The following RP1 variants were observed in gnomAD, a reference collection of about 807,000 sequenced individuals.
The protein encoded by RP1 is RP1 axonemal microtubule associated, also known as oxygen-regulated protein 1.
Under a neutral mutation model 14.8 loss-of-function variants are expected in RP1, and 16 were observed. That is an observed-to-expected ratio of 1.08 (90% CI 0.73 to 1.65). RP1 has a LOEUF of 1.65. RP1 is among the 40% of genes most tolerant of loss of function. The probability of loss-of-function intolerance (pLI) is 0.00; values close to 1 mark genes in which losing one functional copy is unlikely to be tolerated. For missense variants in RP1, 2,631 were observed against 2,535.0 expected (o/e 1.04, Z -0.81); for synonymous variants, 876 against 883.6 (o/e 0.99, Z 0.15).
chr8:54,824,813 T>A (rs1280587278), intron 24 of RP1, among the ~76,000 whole-genome samples: 1 of 152,160 alleles, frequency 6.6e-6, no homozygotes, highest in East Asian at 1.9e-4. Context: ...AAAGAAAAAT[T>A]GTATGATCAT....
At chr8:54,822,515 A>G (rs1384897761) in intron 24 of RP1, among the ~76,000 whole-genome samples, 27 of 152,236 alleles carry the variant, frequency 1.8e-4, no homozygotes. Context: ...TATCTTCTAT[A>G]AATACAAATG....
chr8:54,669,211 G>T (rs1236730235), intron 7 of RP1, among the ~76,000 whole-genome samples: 1 of 152,096 alleles, frequency 6.6e-6, no homozygotes, highest in African/African-American at 2.4e-5. Flanking sequence ...CAAAAAGTGG[G>T]CAAAGGATAT....
chr8:54,606,682 A>G lies in RP1; in HGVS notation c.-12-14273A>G, dbSNP rs191895525. Among the ~76,000 whole-genome samples the G allele has an allele frequency of 4.0e-3, 605 of 152,342 alleles. 3 individuals are homozygous for G. The highest frequency in any genetic ancestry group is 6.5e-3 in the Non-Finnish European group (440 of 68,042). ...CTCCTCATCACTTTCAGGTACACCA[A>G]TCAGACGTAGATTTGGTCTTTTCAC... On this transcript the variant is annotated intron_variant, in intron 1 of 22. Coordinates refer to the RP1 transcript ENST00000636932.
Position 54,624,567 on chromosome 8 carries a change from TC to T in RP1, c.788-102del, listed in dbSNP as rs1175659483. 37 of 1,131,564 alleles carry T rather than the reference TC, an allele frequency of 3.3e-5. No individual in the cohort carries two copies. The African/African-American group carries it at 5.3e-4, about 16-fold the overall frequency. 70.1% of individuals were successfully genotyped at this position (1,131,564 alleles called of 1,614,324 possible). On this transcript the variant is annotated intron_variant, in intron 3 of 3. Transcript: ENST00000220676. The stretch of plus-strand genomic sequence containing the variant: ...TTTTCATACTAATCATTTCCCCTTT[TC>T]TCTTTCTTTTTTTGCTGCCTCTTCC...
At chr8:54,828,118 GA>G (rs1452957487) in intron 24 of RP1, among the ~76,000 whole-genome samples, 1 of 152,110 alleles carries the variant, frequency 6.6e-6, no homozygotes, top group Non-Finnish European at 1.5e-5. Context: ...GATACCTCCT[GA>G]AGGACCTGCC....
intron 1 of RP1, among the ~76,000 whole-genome samples, chr8:54,590,501 C>T (rs1036254837): frequency 6.6e-6 from 1 of 152,190 alleles, no homozygotes; most frequent in African/African-American, 2.4e-5. Context: ...GCCCCCTCCT[C>T]AAAGCTCTCA....
intron 12 of RP1, among the ~76,000 whole-genome samples, chr8:54,692,992 G>A (rs1016660174): frequency 6.6e-6 from 1 of 152,050 alleles, no homozygotes; most frequent in East Asian, 1.9e-4. Context: ...ATTAATTTTT[G>A]TATAAGGTGT....
intron 19 of RP1, among the ~76,000 whole-genome samples, chr8:54,753,439 T>C (rs1182271788): frequency 6.6e-6 from 1 of 152,122 alleles, no homozygotes; most frequent in African/African-American, 2.4e-5. Context: ...CAAAGTAGGG[T>C]TACTGAACCA....
intron 1 of RP1, among the ~76,000 whole-genome samples, chr8:54,593,074 C>G (rs1341266164): frequency 6.6e-6 from 1 of 152,120 alleles, no homozygotes; most frequent in African/African-American, 2.4e-5. Flanking sequence ...ATACCCAGTG[C>G]CTATCCCATG....
intron 15 of RP1, among the ~76,000 whole-genome samples, chr8:54,707,205 C>T (rs984235222): frequency 6.6e-6 from 1 of 152,120 alleles, no homozygotes; most frequent in Non-Finnish European, 1.5e-5. Context: ...GTCATGCAAT[C>T]TCGGCTCACA....
At chr8:54,780,392 G>A (rs894667703) in intron 23 of RP1, among the ~76,000 whole-genome samples, 5 of 152,136 alleles carry the variant, frequency 3.3e-5, no homozygotes, top group African/African-American at 7.2e-5. Context: ...ATTGATCATC[G>A]AACTCACTTC....
At chr8:54,821,843 C>T (rs1302911031) in intron 24 of RP1, among the ~76,000 whole-genome samples, 2 of 152,036 alleles carry the variant, frequency 1.3e-5, no homozygotes, top group East Asian at 3.9e-4. Context: ...ATCAGGGTAC[C>T]TGGGAGGAAA....
At chr8:54,643,267 T>C (rs2129323293) in intron 3 of RP1, among the ~76,000 whole-genome samples, 1 of 152,328 alleles carries the variant, frequency 6.6e-6, no homozygotes, top group East Asian at 1.9e-4. Flanking sequence ...TGTGATGAGT[T>C]TTAACAGTTG....
At chr8:54,774,848 A>T (rs546700782), downstream of RP1, among the ~76,000 whole-genome samples, 4 of 152,334 alleles carry the variant, frequency 2.6e-5, no homozygotes, top group South Asian at 8.3e-4. Flanking sequence ...TTGTGTTTAT[A>T]AATAATTTAC....
intron 23 of RP1, among the ~76,000 whole-genome samples, chr8:54,775,233 T>C (rs1810004864): frequency 6.6e-6 from 1 of 152,160 alleles, no homozygotes; most frequent in African/African-American, 2.4e-5. Flanking sequence ...GGAGACTGTT[T>C]GCTAAAAATG....
chr8:54,748,797 T>C lies in RP1; in HGVS notation c.2809-6006T>C, dbSNP rs115305295. On this transcript the variant is annotated intron_variant, in intron 19 of 22. Transcript: ENST00000636932. ...TTGGTGACTATTTGCCTTTATTTTT[T>C]CAGAAAAAGCTTTGTGTATATGGAA... Among the ~76,000 whole-genome samples, 615 of 152,334 alleles carry C rather than the reference T, an allele frequency of 4.0e-3. 5 individuals are homozygous for C. The highest frequency in any genetic ancestry group is 0.014 in the African/African-American group (589 of 41,578).
intron 12 of RP1, among the ~76,000 whole-genome samples, chr8:54,688,334 A>G (rs534879284): frequency 1.3e-5 from 2 of 152,112 alleles, no homozygotes; most frequent in East Asian, 3.9e-4. Context: ...CCATTTGTCT[A>G]TTTTGGCTTT....
intron 19 of RP1, among the ~76,000 whole-genome samples, chr8:54,751,466 A>G (rs1443948086): frequency 6.6e-6 from 1 of 152,216 alleles, no homozygotes; most frequent in Non-Finnish European, 1.5e-5. Context: ...TCACCATTAC[A>G]AGACTGCTGT....
At chr8:54,633,733 CTCTCTA>C (rs1205281769), downstream of RP1, among the ~76,000 whole-genome samples, 153 of 130,144 alleles carry the variant, frequency 1.2e-3, no homozygotes, top group South Asian at 2.3e-3. Context: ...CTCTCTCTCT[CTCTCTA>C]TATATATATA....
Sources: gnomAD v4.1 joint callset for allele counts (sites outside exome capture counted in the v4.1 genomes callset) on GRCh38, gnomAD v4.1.1 for gene constraint, MANE v1.5 for transcripts, NCBI Gene and HGNC (gene_info 2026-07-23, HGNC 2026-07-21) for gene names.